Variants in RNF6 observed in about 807,000 individuals in gnomAD.
The protein encoded by RNF6 is E3 ubiquitin-protein ligase RNF6.
In RNF6, 21 loss-of-function variants were observed where a neutral mutation model predicts 50.1. The observed-to-expected ratio is 0.42, with a 90% CI of 0.30 to 0.60. The LOEUF is 0.60. RNF6 is among the 20% of genes least tolerant of loss of function. RNF6 has a pLI of 0.20. For missense variants in RNF6, 698 were observed against 838.2 expected, an observed-to-expected ratio of 0.83 and a Z score of 2.07; for synonymous variants, 255 against 291.8, an observed-to-expected ratio of 0.87 and a Z score of 1.29.
intron 5 of RNF6, chr13:26,144,815 G>A (rs565937323): frequency 6.6e-6 from 1 of 152,364 alleles, no homozygotes; most frequent in Non-Finnish European, 1.5e-5. Flanking sequence ...ATGGGCATTT[G>A]GGCCACTTCT....
intron 5 of RNF6, among the ~76,000 whole-genome samples, chr13:26,158,461 A>G (rs768395920): frequency 2.2e-4 from 33 of 152,216 alleles, no homozygotes; most frequent in Non-Finnish European, 4.3e-4. Context: ...ATTTAAATGT[A>G]TGTAAAAAGC....
At chr13:26,191,135 T>G (rs1868434023) in intron 5 of RNF6, among the ~76,000 whole-genome samples, 1 of 152,156 alleles carries the variant, frequency 6.6e-6, no homozygotes, top group African/African-American at 2.4e-5. Flanking sequence ...ACATTTTAAG[T>G]TGGAGGGCAG....
intron 5 of RNF6, among the ~76,000 whole-genome samples, chr13:26,193,088 A>G (rs1266698984): frequency 6.6e-6 from 1 of 152,204 alleles, no homozygotes; most frequent in Non-Finnish European, 1.5e-5. Flanking sequence ...TCAAGAGATC[A>G]GGCAGACATA....
downstream of RNF6, among the ~76,000 whole-genome samples, chr13:26,209,598 C>G (rs1869236340): frequency 6.6e-6 from 1 of 152,162 alleles, no homozygotes; most frequent in South Asian, 2.1e-4. Context: ...ACCTAGAAAA[C>G]CTGAACTCAG....
rs149175513 is a variant in RNF6, at chr13:26,141,217, G to T, written n.769-8766C>A. Among the ~76,000 whole-genome samples, 574 of 152,140 alleles carry T rather than the reference G, an allele frequency of 3.8e-3. 3 individuals are homozygous for T. The highest frequency in any genetic ancestry group is 0.013 in the African/African-American group (538 of 41,522). On this transcript the variant is annotated intron_variant and non_coding_transcript_variant, in intron 5 of 5. Coordinates refer to the RNF6 transcript ENST00000468480. ...AAAGTCAAGGCAGGTGGATCACAAG[G>T]TCAGGAGTTCAAGACCAGCCTGGCC...
At chr13:26,181,684 G>C (rs1341932726) in intron 5 of RNF6, among the ~76,000 whole-genome samples, 6 of 152,160 alleles carry the variant, frequency 3.9e-5, no homozygotes, top group Non-Finnish European at 7.4e-5. Flanking sequence ...CAAGACCAAG[G>C]GGATTCCTCT....
rs560305130 is a variant in RNF6 at position 26,175,673 on chromosome 13, G to T, written n.768+39801C>A. Among the ~76,000 whole-genome samples the T allele has an allele frequency of 1.1e-4, 17 of 152,272 alleles. No homozygotes were observed. The East Asian group carries it at 3.1e-3, about 28-fold the overall frequency. The stretch of plus-strand genomic sequence containing the variant: ...AAGTGATGAAAACCTGGGAGTGGGG[G>T]AAAACCAGGACAGGGATCCAAGAGG... On this transcript the variant is annotated intron_variant and non_coding_transcript_variant, in intron 5 of 5. Coordinates refer to the RNF6 transcript ENST00000468480.
chr13:26,134,645 T>C (rs1870557194), intron 5 of RNF6, among the ~76,000 whole-genome samples: 1 of 152,132 alleles, frequency 6.6e-6, no homozygotes, highest in Admixed American at 6.5e-5. Context: ...TCTGCTTTCT[T>C]CTCCCAAACT....
intron 5 of RNF6, among the ~76,000 whole-genome samples, chr13:26,143,892 A>G (rs79224917): frequency 0.13 from 20,247 of 152,238 alleles, 1,716 homozygotes; most frequent in Admixed American, 0.2. Flanking sequence ...ATACTATGAC[A>G]GTGGATAAGG....
chr13:26,157,281 A>T (rs4769473), intron 5 of RNF6, among the ~76,000 whole-genome samples: 111,699 of 152,044 alleles, frequency 0.73, 41,230 homozygotes, highest in East Asian at 0.83. Flanking sequence ...TAAAAATTTT[A>T]AAAAATGAAA....
chr13:26,133,312 G>T (rs529283793), intron 5 of RNF6, among the ~76,000 whole-genome samples: 1 of 152,272 alleles, frequency 6.6e-6, no homozygotes, highest in South Asian at 2.1e-4. Flanking sequence ...ATATGTGCTG[G>T]TATGGATTTG....
intron 5 of RNF6, among the ~76,000 whole-genome samples, chr13:26,148,885 A>G (rs1284132166): frequency 2.0e-5 from 3 of 151,444 alleles, no homozygotes; most frequent in Non-Finnish European, 4.4e-5. Context: ...TACAGTTCAA[A>G]AGCAAGAAAA....
In RNF6 at chr13:26,196,324, C is replaced by A. The variant is rs562223602; in HGVS notation, n.768+19150G>T. ...CAACCCAGAATGCTATATCCAACAA[C>A]AACAAAAACTCTTTCAAAAATGAAG... On this transcript the variant is annotated intron_variant and non_coding_transcript_variant, in intron 5 of 5. Coordinates refer to the RNF6 transcript ENST00000468480. Among the ~76,000 whole-genome samples the A allele has an allele frequency of 8.5e-5, 13 of 152,122 alleles. No individual in the cohort carries two copies. In the South Asian group the frequency reaches 2.7e-3, roughly 32 times the overall value.
Position 26,160,674 on chromosome 13 carries a change from C to T in RNF6, n.769-28223G>A, listed in dbSNP as rs376857043. On this transcript the variant is annotated intron_variant and non_coding_transcript_variant, in intron 5 of 5. Coordinates refer to the RNF6 transcript ENST00000468480. ...GACAGTTGGATGATGTATTAGATGG[C>T]TAGGGTTGCCCTAACAAAATACTAC... Among the ~76,000 whole-genome samples the T allele has an allele frequency of 6.6e-5, 10 of 150,900 alleles. No homozygotes were observed. In the East Asian group the frequency reaches 1.6e-3, roughly 24 times the overall value.
At chr13:26,196,909 A>G (rs117443901) in intron 5 of RNF6, among the ~76,000 whole-genome samples, 3 of 152,130 alleles carry the variant, frequency 2.0e-5, no homozygotes, top group Non-Finnish European at 4.4e-5. Context: ...TAATGTAGGT[A>G]TAGAAATCAA....
At chr13:26,157,047 G>A (rs1046187540) in intron 5 of RNF6, among the ~76,000 whole-genome samples, 3 of 152,168 alleles carry the variant, frequency 2.0e-5, no homozygotes, top group Admixed American at 6.5e-5. Flanking sequence ...GGGTTGGGGT[G>A]TTGAGGGAAG....
chr13:26,202,713 G>A (rs1166803672), intron 5 of RNF6, among the ~76,000 whole-genome samples: 2 of 152,156 alleles, frequency 1.3e-5, no homozygotes, highest in African/African-American at 4.8e-5. Flanking sequence ...GACAGACAGA[G>A]GGTCAATGAT....
intron 5 of RNF6, among the ~76,000 whole-genome samples, chr13:26,190,549 A>G (rs1010101733): frequency 6.6e-6 from 1 of 152,182 alleles, no homozygotes; most frequent in Admixed American, 6.5e-5. Context: ...ATGTTGGCCA[A>G]CCCTAAATGT....
chr13:26,177,190 G>T (rs1420283669), intron 5 of RNF6, among the ~76,000 whole-genome samples: 2 of 152,096 alleles, frequency 1.3e-5, no homozygotes, highest in Admixed American at 6.6e-5. Context: ...CATCTATGAT[G>T]GTTTAAGCCA....
Sources: gnomAD v4.1 joint callset for allele counts (sites outside exome capture counted in the v4.1 genomes callset) on GRCh38, gnomAD v4.1.1 for gene constraint, MANE v1.5 for transcripts, NCBI Gene and HGNC (gene_info 2026-07-23, HGNC 2026-07-21) for gene names.